The following GFM2 variants were observed in gnomAD, a reference collection of about 807,000 sequenced individuals.
GFM2 encodes the protein GTP dependent ribosome recycling factor mitochondrial 2, also known as ribosome-releasing factor 2, mitochondrial.
GFM2 carries 72 observed loss-of-function variants against 95.4 expected under a neutral mutation model. The ratio of observed to expected loss-of-function variants is 0.76; its 90% confidence interval spans 0.62 to 0.92. GFM2 has a LOEUF of 0.92. Ranked by LOEUF, GFM2 falls within the 40% of genes least tolerant of loss-of-function variation. The pLI is 0.00. For synonymous variants in GFM2, 276 were observed against 317.5 expected (o/e 0.87, Z 1.39); for missense variants, 825 against 924.1 (o/e 0.89, Z 1.39).
intron 17 of GFM2, among the ~76,000 whole-genome samples, chr5:74,728,295 T>C (rs1181104399): frequency 6.6e-6 from 1 of 152,164 alleles, no homozygotes; most frequent in Non-Finnish European, 1.5e-5. Context: ...ACGTTACATG[T>C]ATTTTATATT....
chr5:74,730,683 C>T (rs976259229), intron 16 of GFM2: 1 of 227,900 alleles, frequency 4.4e-6, no homozygotes, highest in East Asian at 9.4e-5. Context: ...GATGCCAACA[C>T]TTAGCTAAAT....
chr5:74,754,752 A>G (rs773458424), intron 5 of GFM2, among the ~76,000 whole-genome samples: 3 of 152,206 alleles, frequency 2.0e-5, no homozygotes, highest in Non-Finnish European at 2.9e-5. Flanking sequence ...TAGCAACACA[A>G]TAATAGTGGG....
Position 74,736,340 on chromosome 5 carries a change from A to G in GFM2, c.1510+456T>C. 4.1e-6 allele frequency: 4 copies of G among 982,342 alleles called. No individual in the cohort carries two copies. The South Asian group carries it at 1.9e-4, about 46-fold the overall frequency. The allele number at this position is 982,342 out of a possible 1,614,324, so 60.9% of individuals were successfully genotyped here. A position where few individuals can be genotyped will look rare whatever the true frequency, so the allele number is the denominator to read the frequency against. ...TGAAAAAAATCTGAGCTAAAATGCT[A>G]AAGAACAAAGTTACTAACAAAAGGT... is the stretch of plus-strand genomic sequence containing the variant. On this transcript the variant is annotated intron_variant, in intron 15 of 20. Coordinates refer to ENST00000296805, the MANE Select transcript of GFM2 (RefSeq NM_032380.5).
chr5:74,739,711 G>A (rs1259386927), intron 12 of GFM2, among the ~76,000 whole-genome samples: 4 of 152,002 alleles, frequency 2.6e-5, no homozygotes, highest in African/African-American at 9.7e-5. Context: ...ACATCCCCAG[G>A]ATATCACTTT....
At chr5:74,748,533 G>A (rs1335467976) in intron 7 of GFM2, among the ~76,000 whole-genome samples, 2 of 152,090 alleles carry the variant, frequency 1.3e-5, no homozygotes, top group African/African-American at 4.8e-5. Context: ...CACATTGTTA[G>A]GTATTTCCGT....
intron 15 of GFM2, chr5:74,733,337 A>C (rs1022374010): frequency 3.3e-6 from 1 of 302,266 alleles, no homozygotes; most frequent in Non-Finnish European, 6.1e-6. Context: ...CAAAAAAAGA[A>C]AAAAAAAAAA....
At chr5:74,722,289 T>A in intron 20 of GFM2, 90 bp downstream of exon 20, 1 of 1,040,754 alleles carries the variant, frequency 9.6e-7, no homozygotes, top group Non-Finnish European at 1.4e-6. Context: ...AGCCTTAATG[T>A]TTCTTTCAGG....
chr5:74,728,707 A>C (rs1457730330), intron 17 of GFM2, among the ~76,000 whole-genome samples: 2 of 139,272 alleles, frequency 1.4e-5, no homozygotes, highest in African/African-American at 5.4e-5. Flanking sequence ...TTTCTGATTT[A>C]ATTTTATTAT....
At chr5:74,725,802 G>A (rs1477016283) in intron 18 of GFM2, 47 bp from the exon 19 acceptor site, 2 of 1,483,314 alleles carry the variant, frequency 1.3e-6, no homozygotes, top group Non-Finnish European at 9.4e-7. Flanking sequence ...GATGTGAAGT[G>A]AGAAGTAACT....
rs758894543 is a variant in GFM2, at chr5:74,736,762, C to T, written c.1510+34G>A. 8.1e-6 allele frequency: 13 copies of T among 1,611,924 alleles called. 1 individual carries two copies. In the South Asian group the frequency reaches 1.4e-4, roughly 18 times the overall value. Reference sequence around the variant, plus strand: ...AACTATTTTATATAAATTATCAGCGCACTAATTAGTTGACACACTAAGACC... The same window carrying T: ...AACTATTTTATATAAATTATCAGCGTACTAATTAGTTGACACACTAAGACC... On this transcript the variant is annotated intron_variant, in intron 15 of 20. Coordinates refer to ENST00000296805, the MANE Select transcript of GFM2 (RefSeq NM_032380.5).
chr5:74,762,267 CA>C (rs1744322894), intron 2 of GFM2, among the ~76,000 whole-genome samples: 2 of 152,154 alleles, frequency 1.3e-5, no homozygotes, highest in Non-Finnish European at 2.9e-5. Context: ...ACACCCTATC[CA>C]CAGGGGTTAT....
chr5:74,760,519 T>C (rs1016913780), intron 3 of GFM2, among the ~76,000 whole-genome samples: 2 of 152,204 alleles, frequency 1.3e-5, no homozygotes, highest in African/African-American at 4.8e-5. Flanking sequence ...AAACTACTTA[T>C]AACAATCCTC....
chr5:74,755,966 T>A (rs1743959184), intron 5 of GFM2, among the ~76,000 whole-genome samples: 3 of 152,052 alleles, frequency 2.0e-5, no homozygotes, highest in Admixed American at 6.5e-5. Context: ...CTCAACAAAA[T>A]ACTAGCTAAC....
At chr5:74,727,402 G>C (rs1187277877) in intron 17 of GFM2, among the ~76,000 whole-genome samples, 1 of 152,012 alleles carries the variant, frequency 6.6e-6, no homozygotes, top group East Asian at 1.9e-4. Flanking sequence ...TTTTAAATTT[G>C]TTATGCCATA....
In GFM2 at chr5:74,739,984, C is replaced by G; in HGVS notation, c.1079+5G>C. 2.0e-6 allele frequency: 3 copies of G among 1,509,228 alleles called. No homozygotes were observed. Among genetic ancestry groups the G allele is most frequent in the Non-Finnish European group, 2.7e-6 (3 of 1,128,644 alleles). The allele number at this position is 1,509,228 out of a possible 1,614,324, so 93.5% of individuals were successfully genotyped here. On this transcript the variant is annotated splice_donor_5th_base_variant and intron_variant, in intron 12 of 20. Transcript: ENST00000296805. ...GAATTTTAATATATGTGATTGCATA[C>G]TTACAGAAATTCATAGTTACGCTCT...
intron 20 of GFM2, 121 bp downstream of exon 20, chr5:74,722,258 A>G: frequency 1.2e-6 from 1 of 836,332 alleles, no homozygotes; most frequent in Non-Finnish European, 1.9e-6. Flanking sequence ...AACGAAACTT[A>G]ACATGTATTC....
chr5:74,721,398 C>CTTATAGTAATAACTTCA lies in GFM2; in HGVS notation c.*240_*256dup. 1 of 718,448 alleles carries CTTATAGTAATAACTTCA rather than the reference C, an allele frequency of 1.4e-6. No homozygotes were observed. Among genetic ancestry groups the CTTATAGTAATAACTTCA allele is most frequent in the South Asian group, 1.5e-5 (1 of 66,148 alleles). 44.5% of individuals were successfully genotyped at this position (718,448 alleles called of 1,614,324 possible). On this transcript the variant is annotated 3_prime_UTR_variant, in exon 21 of 21. Coordinates refer to ENST00000296805, the MANE Select transcript of GFM2 (RefSeq NM_032380.5). ...TGTGATACCACTCTTCTGAAGGCTA[C>CTTATAGTAATAACTTCA]TTATAGTAATAACTTCATAGATGAA...
chr5:74,721,953 T>TAA (rs1014157740), intron 20 of GFM2, among the ~76,000 whole-genome samples, 170 bp from the exon 21 acceptor site: 11 of 152,226 alleles, frequency 7.2e-5, no homozygotes, highest in Admixed American at 1.3e-4. Context: ...AAGTTGGATA[T>TAA]AAAAACATTG....
chr5:74,745,174 C>T (rs1003509624), intron 10 of GFM2, among the ~76,000 whole-genome samples: 1 of 151,790 alleles, frequency 6.6e-6, no homozygotes, highest in African/African-American at 2.4e-5. Context: ...CCCATCTCTA[C>T]CAAAAAATAA....
Sources: gnomAD v4.1 joint callset for allele counts (sites outside exome capture counted in the v4.1 genomes callset) on GRCh38, gnomAD v4.1.1 for gene constraint, MANE v1.5 for transcripts, NCBI Gene and HGNC (gene_info 2026-07-23, HGNC 2026-07-21) for gene names.